Variants in SNTG2 observed in about 807,000 individuals in gnomAD.
SNTG2 encodes syntrophin gamma 2.
Under a neutral mutation model 70.9 loss-of-function variants are expected in SNTG2, and 74 were observed. The ratio of observed to expected loss-of-function variants is 1.04; its 90% CI spans 0.86 to 1.27. The LOEUF is 1.27. Ranked by LOEUF, SNTG2 falls within the 50% of genes most tolerant of loss-of-function variation. SNTG2 has a pLI of 0.00. For missense variants in SNTG2, 717 were observed against 690.7 expected (o/e 1.04, Z -0.43); for synonymous variants, 278 against 273.8 (o/e 1.02, Z -0.15).
At chr2:1,099,266 C>T (rs909213457) in intron 4 of SNTG2, among the ~76,000 whole-genome samples, 3 of 152,054 alleles carry the variant, frequency 2.0e-5, no homozygotes, top group African/African-American at 7.2e-5. Context: ...GTCCTTGAGG[C>T]CTGCAGGGGA....
intron 1 of SNTG2, among the ~76,000 whole-genome samples, chr2:1,011,894 T>G (rs1283524331): frequency 6.6e-6 from 1 of 152,202 alleles, no homozygotes; most frequent in Non-Finnish European, 1.5e-5. Context: ...TTACACTCAT[T>G]AGGAAAAATT....
chr2:1,257,224 G>A (rs886667056), intron 12 of SNTG2, among the ~76,000 whole-genome samples: 6 of 152,088 alleles, frequency 3.9e-5, no homozygotes, highest in Non-Finnish European at 8.8e-5. Flanking sequence ...GGTTCCATCC[G>A]AAGCCCGACC....
At chr2:1,223,574 C>T (rs781741580) in intron 9 of SNTG2, among the ~76,000 whole-genome samples, 45 of 152,220 alleles carry the variant, frequency 3.0e-4, no homozygotes, top group Non-Finnish European at 6.0e-4. Flanking sequence ...TCCTGGCACC[C>T]TCCCCATTAC....
intron 4 of SNTG2, 120 bp from the exon 5 acceptor site, chr2:1,137,502 G>GCGCA (rs1668469751): frequency 1.2e-5 from 10 of 845,516 alleles, no homozygotes; most frequent in Admixed American, 2.6e-5. Flanking sequence ...GTGGACACAT[G>GCGCA]CACACACACA....
chr2:1,195,522 T>C (rs1022150729), intron 8 of SNTG2, among the ~76,000 whole-genome samples: 1 of 152,252 alleles, frequency 6.6e-6, no homozygotes, highest in Non-Finnish European at 1.5e-5. Context: ...AAATGTCTTC[T>C]TTTGAGAAGT....
At chr2:1,251,337 G>C (rs1163683970) in intron 12 of SNTG2, among the ~76,000 whole-genome samples, 1 of 152,094 alleles carries the variant, frequency 6.6e-6, no homozygotes, top group African/African-American at 2.4e-5. Flanking sequence ...ATATATAACT[G>C]TTAATTACAC....
chr2:1,199,974 A>G (rs1232376553), intron 8 of SNTG2, among the ~76,000 whole-genome samples: 1 of 152,036 alleles, frequency 6.6e-6, no homozygotes, highest in Non-Finnish European at 1.5e-5. Context: ...CAATCCCTAT[A>G]AAAATACCAA....
chr2:1,141,239 C>T (rs1668729776), intron 6 of SNTG2, among the ~76,000 whole-genome samples: 1 of 152,176 alleles, frequency 6.6e-6, no homozygotes, highest in Non-Finnish European at 1.5e-5. Context: ...CATTTAATGA[C>T]ATGTGTTATG....
At chr2:1,127,723 T>G (rs1667788859) in intron 4 of SNTG2, among the ~76,000 whole-genome samples, 1 of 152,066 alleles carries the variant, frequency 6.6e-6, no homozygotes, top group African/African-American at 2.4e-5. Context: ...GTGTGGCTAT[T>G]GTAAATGGGA....
intron 8 of SNTG2, among the ~76,000 whole-genome samples, chr2:1,176,104 A>C (rs938751816): frequency 6.6e-6 from 1 of 152,220 alleles, no homozygotes; most frequent in Non-Finnish European, 1.5e-5. Context: ...CATCCTCCTT[A>C]TCAGCAAGAG....
intron 7 of SNTG2, among the ~76,000 whole-genome samples, chr2:1,171,943 C>T (rs1671153345): frequency 6.6e-6 from 1 of 152,166 alleles, no homozygotes; most frequent in Non-Finnish European, 1.5e-5. Context: ...CTGGTGGTCA[C>T]ATTATGACTT....
intron 1 of SNTG2, among the ~76,000 whole-genome samples, chr2:980,868 C>T (rs961970590): frequency 6.6e-6 from 1 of 152,188 alleles, no homozygotes; most frequent in Non-Finnish European, 1.5e-5. Context: ...TCCATGCTGT[C>T]AGTACTACGT....
At chr2:1,162,935 G>A (rs1345742550) in intron 6 of SNTG2, among the ~76,000 whole-genome samples, 1 of 152,200 alleles carries the variant, frequency 6.6e-6, no homozygotes, top group Non-Finnish European at 1.5e-5. Context: ...TCTCACAAGG[G>A]TGCACTTGTA....
intron 1 of SNTG2, among the ~76,000 whole-genome samples, chr2:1,025,262 G>A (rs372444840): frequency 3.9e-4 from 60 of 152,242 alleles, no homozygotes; most frequent in African/African-American, 1.3e-3. Context: ...ACAAGGGCCC[G>A]GTTGGTAAAC....
chr2:1,262,582 T>TCAGTCCAGACGAGGAAACCCAAAGG (rs1558610409), intron 13 of SNTG2, among the ~76,000 whole-genome samples: 1 of 133,314 alleles, frequency 7.5e-6, no homozygotes, highest in African/African-American at 3.2e-5. Context: ...CCGGGTCAAG[T>TCAGTCCAGACGAGGAAACCCAAAGG]CTCAGTCCAG....
chr2:1,172,481 G>C (rs1275822369), intron 7 of SNTG2, among the ~76,000 whole-genome samples: 2 of 152,166 alleles, frequency 1.3e-5, no homozygotes, highest in Non-Finnish European at 2.9e-5. Context: ...TCCCTGAGCT[G>C]TTCCCAGGAC....
At chr2:1,137,923 A>G in intron 6 of SNTG2, 114 bp downstream of exon 6, 1 of 1,055,460 alleles carries the variant, frequency 9.5e-7, no homozygotes, top group Non-Finnish European at 1.4e-6. Flanking sequence ...TAGAATTGGA[A>G]AGAAAGCTCA....
At chr2:1,123,949 A>G (rs112155948) in intron 4 of SNTG2, among the ~76,000 whole-genome samples, 1,923 of 152,310 alleles carry the variant, frequency 0.013, 53 homozygotes, top group African/African-American at 0.044. Context: ...GGAAGCAGAG[A>G]GTAGAATGAT....
At chr2:1,346,317 A>G (rs1660268669) in intron 16 of SNTG2, 1 of 152,484 alleles carries the variant, frequency 6.6e-6, no homozygotes, top group East Asian at 1.9e-4. Context: ...CCCCGCATCC[A>G]AGGATGTCTC....
Sources: allele counts gnomAD v4.1 joint callset (sites outside exome capture counted in the v4.1 genomes callset), GRCh38; gene constraint gnomAD v4.1.1; transcripts MANE v1.5; gene names NCBI Gene and HGNC (gene_info 2026-07-23, HGNC 2026-07-21).